ZNF708: variants seen among roughly 807,000 people sequenced by gnomAD.
ZNF708 encodes zinc finger protein 708, also known as ZNF15, ZNF15L1.
A neutral mutation model predicts 47.0 loss-of-function variants in ZNF708; 44 were observed. The observed-to-expected ratio is 0.94, with a 90% confidence interval of 0.74 to 1.20. ZNF708 has a LOEUF of 1.20. ZNF708 is among the 50% of genes most tolerant of loss of function. The pLI, the probability that ZNF708 is intolerant of heterozygous loss-of-function variation, is 0.00. For synonymous variants in ZNF708, 184 were observed against 218.5 expected (o/e 0.84, Z 1.39); for missense variants, 557 against 656.0 (o/e 0.85, Z 1.65).
intron 1 of ZNF708, among the ~76,000 whole-genome samples, chr19:21,325,674 A>G (rs1483116323): frequency 6.6e-6 from 1 of 152,252 alleles, no homozygotes; most frequent in Non-Finnish European, 1.5e-5. Context: ...TTCATGACCA[A>G]GAACTCAAAA....
intron 3 of ZNF708, among the ~76,000 whole-genome samples, chr19:21,301,842 T>TA (rs1255396526): frequency 2.0e-5 from 2 of 102,498 alleles, no homozygotes; most frequent in Non-Finnish European, 4.0e-5. Flanking sequence ...GTTGATGTGA[T>TA]AAAAAAATAT....
intron 3 of ZNF708, among the ~76,000 whole-genome samples, chr19:21,303,635 A>G (rs1972701657): frequency 6.6e-6 from 1 of 151,982 alleles, no homozygotes; most frequent in Non-Finnish European, 1.5e-5. Context: ...GAGTAACTGG[A>G]AAAAAGCATA....
Position 21,293,307 on chromosome 19 carries a change from A to C in ZNF708, c.1659T>G (p.Ile553Met). 6.2e-7 allele frequency: 1 copy of C among 1,610,274 alleles called. No individual in the cohort carries two copies. Among genetic ancestry groups the C allele is most frequent in the Non-Finnish European group, 8.5e-7 (1 of 1,178,556 alleles). Residue 553 changes from isoleucine to methionine, a missense_variant, in exon 4 of 4, where the codon ATT becomes ATG. Physicochemically the swap from Ile to Met is conservative, Grantham distance 10. Coordinates refer to ENST00000356929, the MANE Select transcript of ZNF708 (RefSeq NM_021269.3). ...ATTTGTAGGGTTTCTCTTTGGTATG[A>C]ATTCTCTTATGTTTAGTAAGGTTTG... The part of the protein sequence containing the change: ...QSPNLTKHKR[I>M]HTKEKPYKCK
chr19:21,295,741 A>G (rs922960950), intron 3 of ZNF708, among the ~76,000 whole-genome samples: 3 of 151,840 alleles, frequency 2.0e-5, no homozygotes, highest in Non-Finnish European at 4.4e-5. Context: ...GCAAAACTCC[A>G]TCTCAAAAAA....
At chr19:21,306,898 C>G (rs919398613) in intron 3 of ZNF708, 3 of 151,566 alleles carry the variant, frequency 2.0e-5, no homozygotes, top group Non-Finnish European at 4.4e-5. Flanking sequence ...TAGCTGAGAT[C>G]AGGCCACTGC....
At chr19:21,321,742 AAG>A (rs1176428487) in intron 1 of ZNF708, among the ~76,000 whole-genome samples, 3 of 150,662 alleles carry the variant, frequency 2.0e-5, no homozygotes, top group Non-Finnish European at 4.4e-5. Context: ...GGAAAAGGAA[AAG>A]AGAGAGAAAA....
intron 1 of ZNF708, among the ~76,000 whole-genome samples, chr19:21,316,334 A>G (rs1973011065): frequency 6.6e-6 from 1 of 151,428 alleles, no homozygotes; most frequent in Non-Finnish European, 1.5e-5. Flanking sequence ...CCATGCTAGT[A>G]AGGCTGGTCT....
Position 21,297,299 on chromosome 19 carries a change from T to TTTC in ZNF708, c.227-2561_227-2560insGAA, listed in dbSNP as rs760318274. The stretch of plus-strand genomic sequence containing the variant: ...TTTTTTTTTTTTTTTTTTTTTTTTT[T>TTTC]CAGATGGAGTCTCACTCTGTCGCCC... On this transcript the variant is annotated intron_variant, in intron 3 of 3. Transcript: ENST00000356929. 5.0e-4 allele frequency among the ~76,000 whole-genome samples: 45 copies of TTTC among 89,154 alleles called. 13 individuals are homozygous for TTTC. Among genetic ancestry groups the TTTC allele is most frequent in the Non-Finnish European group, 8.0e-4 (32 of 40,204 alleles). The allele number at this position is 89,154 out of a possible 152,430, so 58.5% of individuals were successfully genotyped here.
At chr19:21,304,233 AGT>A (rs905729514) in intron 3 of ZNF708, among the ~76,000 whole-genome samples, 3 of 151,730 alleles carry the variant, frequency 2.0e-5, no homozygotes, top group Admixed American at 1.3e-4. Context: ...TAAGAGACAG[AGT>A]AAGTGTGAGG....
At chr19:21,313,287 CAAA>C (rs34027483) in intron 1 of ZNF708, among the ~76,000 whole-genome samples, 15 of 89,806 alleles carry the variant, frequency 1.7e-4, no homozygotes, top group Non-Finnish European at 1.3e-4. Flanking sequence ...GACCCTGTCT[CAAA>C]AAAAAAAAAA....
chr19:21,309,120 A>G (rs1972845560), intron 3 of ZNF708, 126 bp downstream of exon 3: 1 of 970,500 alleles, frequency 1.0e-6, no homozygotes, highest in South Asian at 1.7e-5. Context: ...TATTAAAGTT[A>G]AAAAAACAAA....
intron 1 of ZNF708, among the ~76,000 whole-genome samples, chr19:21,316,651 G>A (rs1387526375): frequency 6.6e-6 from 1 of 152,156 alleles, no homozygotes; most frequent in Non-Finnish European, 1.5e-5. Context: ...TCAGCTTCAG[G>A]TCTGATGACA....
At chr19:21,301,849 AT>A (rs34941450) in intron 3 of ZNF708, among the ~76,000 whole-genome samples, 84,548 of 151,786 alleles carry the variant, frequency 0.56, 23,810 homozygotes, top group Middle Eastern at 0.69. Flanking sequence ...TGATAAAAAA[AT>A]ATTTCTAACC....
intron 3 of ZNF708, among the ~76,000 whole-genome samples, chr19:21,297,264 ATATATATTTTTTTTT>A (rs1197266029): frequency 7.1e-5 from 1 of 14,016 alleles, no homozygotes; most frequent in Non-Finnish European, 1.5e-4. Flanking sequence ...ATATATATAT[ATATATATTTTTTTTT>A]TTTTTTTTTT....
chr19:21,293,183 G>C lies in ZNF708; in HGVS notation c.*91C>G, dbSNP rs769317696. On this transcript the variant is annotated 3_prime_UTR_variant, in exon 4 of 4. Transcript: ENST00000356929. ...GGATTAAGAGCCAGTTAAAGGCTTT[G>C]CCACATTTATCACATTTGTAGGATT... 1.0e-5 allele frequency: 15 copies of C among 1,437,790 alleles called. No homozygotes were observed. The highest frequency in any genetic ancestry group is 1.4e-5 in the African/African-American group (1 of 70,362). 89.1% of individuals were successfully genotyped at this position (1,437,790 alleles called of 1,614,324 possible). A position where few individuals can be genotyped will look rare whatever the true frequency, so the allele number is the denominator to read the frequency against.
Position 21,291,561 on chromosome 19 carries a change from T to C in ZNF708, c.*1713A>G, listed in dbSNP as rs1190410217. 6.6e-6 allele frequency: 1 copy of C among 152,134 alleles called. No individual in the cohort carries two copies. Among genetic ancestry groups the C allele is most frequent in the Non-Finnish European group, 1.5e-5 (1 of 68,042 alleles). The allele number at this position is 152,134 out of a possible 1,614,324, so 9.4% of individuals were successfully genotyped here. ...AGCTTTTTAAAAAATCTGTACTTCT[T>C]TTCAAGGAAAAAAGAACACTTTGGG... On this transcript the variant is annotated 3_prime_UTR_variant, in exon 4 of 4. Transcript: ENST00000356929.
Position 21,294,221 on chromosome 19 carries a change from C to A in ZNF708, c.745G>T (p.Glu249Ter). The change falls in exon 4 of 4, where the codon GAG (glutamate) becomes TAG (stop). Residue 249 changes from glutamate to a stop codon, truncating the protein, a stop_gained. Transcript: ENST00000356929. LOFTEE classifies it high-confidence loss of function. ...LTRHKIIHTG[E>*]KLYKCEECGK... ...CATTCTTCACATTTGTAGAGTTTCTCTCCAGTATGAATTATCTTATGTCTA... is the reference window on the plus strand; with the variant it reads ...CATTCTTCACATTTGTAGAGTTTCTATCCAGTATGAATTATCTTATGTCTA... The A allele has an allele frequency of 6.2e-7, 1 of 1,612,082 alleles. No individual in the cohort carries two copies. Among genetic ancestry groups the A allele is most frequent in the East Asian group, 2.2e-5 (1 of 44,810 alleles).
At position 21,292,822 on chromosome 19, in the gene ZNF708, T is replaced by TA. The variant is rs1330522639; in HGVS notation, c.*451dup. The stretch of plus-strand genomic sequence containing the variant: ...TCAAGTATAAATGCTTTCCTGGCAA[T>TA]AAGGTGTGAGTATTCATTAAAAATT... On this transcript the variant is annotated 3_prime_UTR_variant, in exon 4 of 4. Transcript: ENST00000356929. The TA allele has an allele frequency of 8.7e-5, 15 of 172,062 alleles. No homozygotes were observed. Among genetic ancestry groups the TA allele is most frequent in the South Asian group, 6.5e-4 (5 of 7,648 alleles). The allele number at this position is 172,062 out of a possible 1,614,324, so 10.7% of individuals were successfully genotyped here.
At chr19:21,307,021 A>C (rs1972784241) in intron 3 of ZNF708, 1 of 149,728 alleles carries the variant, frequency 6.7e-6, no homozygotes, top group African/African-American at 2.5e-5. Context: ...AAAACATAAC[A>C]TAACATAACA....
Sources: gnomAD v4.1 joint callset for allele counts (sites outside exome capture counted in the v4.1 genomes callset) on GRCh38, gnomAD v4.1.1 for gene constraint, MANE v1.5 for transcripts, NCBI Gene and HGNC (gene_info 2026-07-23, HGNC 2026-07-21) for gene names.